The following SCN11A variants were observed in gnomAD, a reference collection of about 807,000 sequenced individuals.
SCN11A encodes the protein sodium channel protein type 11 subunit alpha.
SCN11A carries 122 observed loss-of-function variants against 162.2 expected under a neutral mutation model. The observed-to-expected ratio is 0.75, with a 90% CI of 0.65 to 0.87. SCN11A has a LOEUF of 0.87. SCN11A is among the 40% of genes least tolerant of loss of function. The probability of loss-of-function intolerance (pLI) is 0.00; values close to 1 mark genes in which losing one functional copy is unlikely to be tolerated. For synonymous variants in SCN11A, 758 were observed against 751.5 expected, an observed-to-expected ratio of 1.01 and a Z score of -0.14; for missense variants, 2,015 against 2,181.6, an observed-to-expected ratio of 0.92 and a Z score of 1.52.
At chr3:38,936,366 C>A (rs1355009423) in intron 7 of SCN11A, among the ~76,000 whole-genome samples, 1 of 146,090 alleles carries the variant, frequency 6.8e-6, no homozygotes, top group African/African-American at 2.6e-5. Context: ...GAAGTTCTGG[C>A]CAGGGCAATT....
At chr3:38,953,054 TTTTG>T (rs1415243241) in intron 4 of SCN11A, among the ~76,000 whole-genome samples, 5 of 151,924 alleles carry the variant, frequency 3.3e-5, no homozygotes, top group East Asian at 1.9e-4. Flanking sequence ...ATTTGTTTTT[TTTTG>T]TTGTTGTTGT....
At chr3:38,999,023 G>A (rs113401166) in intron 2 of SCN11A, among the ~76,000 whole-genome samples, 14 of 152,058 alleles carry the variant, frequency 9.2e-5, no homozygotes, top group African/African-American at 2.7e-4. Context: ...TAACCTGCAC[G>A]TTGTGCACAT....
chr3:39,002,823 G>T (rs553447369), intron 2 of SCN11A, among the ~76,000 whole-genome samples: 4 of 152,310 alleles, frequency 2.6e-5, no homozygotes, highest in African/African-American at 7.2e-5. Flanking sequence ...ACTTGCGTTA[G>T]CCTGCTTGGC....
intron 7 of SCN11A, among the ~76,000 whole-genome samples, chr3:38,935,786 G>A (rs1294473388): frequency 6.6e-6 from 1 of 152,178 alleles, no homozygotes; most frequent in Non-Finnish European, 1.5e-5. Context: ...AATTCTACCA[G>A]AGGTACAAGG....
rs181294391 is a variant in SCN11A at position 38,953,380 on chromosome 3, A to G, written c.-8+249T>C. Among the ~76,000 whole-genome samples, 79 of 152,274 alleles carry G rather than the reference A, an allele frequency of 5.2e-4. 1 individual carries two copies. The highest frequency in any genetic ancestry group is 8.3e-4 in the South Asian group (4 of 4,824). Reference sequence around the variant, plus strand: ...CATGACACAAGTTTACCTATGTAACAAACCTACATGTGTACCCCTGAACTT... The same window carrying G: ...CATGACACAAGTTTACCTATGTAACGAACCTACATGTGTACCCCTGAACTT... On this transcript the variant is annotated intron_variant, in intron 4 of 29. Coordinates refer to ENST00000302328, the MANE Select transcript of SCN11A (RefSeq NM_001349253.2).
intron 19 of SCN11A, among the ~76,000 whole-genome samples, chr3:38,887,273 A>G (rs1482692602): frequency 6.6e-6 from 1 of 151,984 alleles, no homozygotes; most frequent in Admixed American, 6.6e-5. Flanking sequence ...ACTAATTTAT[A>G]ACCTGGCAGG....
rs553451969 is a variant in SCN11A, at chr3:38,904,128, G to A, written c.1604-25C>T. 32 of 1,489,392 alleles carry A rather than the reference G, an allele frequency of 2.1e-5. 1 individual carries two copies. Among genetic ancestry groups the A allele is most frequent in the South Asian group, 1.9e-4 (14 of 73,872 alleles). 92.3% of individuals were successfully genotyped at this position (1,489,392 alleles called of 1,614,324 possible). ...TCTGGAGGAGAATGAGCGAGAGGTT[G>A]AGGAGTTAGCTCTGAAGCAATCCAG... On this transcript the variant is annotated intron_variant, in intron 15 of 29. Transcript: ENST00000302328.
chr3:38,945,040 AAAAC>A (rs2066495840), intron 7 of SCN11A, among the ~76,000 whole-genome samples: 1 of 152,224 alleles, frequency 6.6e-6, no homozygotes, highest in Non-Finnish European at 1.5e-5. Context: ...TTTACAAACA[AAAAC>A]AAAGAATAAG....
At chr3:38,862,229 A>T (rs936683388) in intron 28 of SCN11A, among the ~76,000 whole-genome samples, 16 of 152,248 alleles carry the variant, frequency 1.1e-4, no homozygotes, top group Admixed American at 7.8e-4. Flanking sequence ...TTTAAAAATC[A>T]AAAAAATAAT....
chr3:38,892,779 T>C (rs1369112260), intron 19 of SCN11A, among the ~76,000 whole-genome samples: 1 of 152,122 alleles, frequency 6.6e-6, no homozygotes, highest in Non-Finnish European at 1.5e-5. Context: ...TATAGCTCAC[T>C]GGAATTAATA....
rs756961020 is a variant in SCN11A, at chr3:38,950,225, T to C, written c.138A>G (p.Glu46=). ...EKKKSKDQTG[E]VPQPRPQLDL... The stretch of plus-strand genomic sequence containing the variant: ...CAAGCTGAGGCCGAGGCTGGGGTAC[T>C]TCTCCTGTCTGGTCTTTAGACTTCT... The change falls in exon 5 of 30, where the codon GAA becomes GAG. Residue 46 remains glutamate (E), a synonymous_variant. Coordinates refer to ENST00000302328, the MANE Select transcript of SCN11A (RefSeq NM_001349253.2). 6.2e-7 allele frequency: 1 copy of C among 1,613,964 alleles called. No homozygotes were observed. The highest frequency in any genetic ancestry group is 2.2e-5 in the East Asian group (1 of 44,886).
intron 7 of SCN11A, among the ~76,000 whole-genome samples, chr3:38,932,478 G>C (rs1047772484): frequency 3.9e-5 from 6 of 152,202 alleles, no homozygotes; most frequent in Non-Finnish European, 7.4e-5. Context: ...CAAAGAAAGG[G>C]GTGAGAGACG....
At chr3:39,001,042 A>C (rs2030796261) in intron 2 of SCN11A, among the ~76,000 whole-genome samples, 2 of 152,324 alleles carry the variant, frequency 1.3e-5, no homozygotes, top group Middle Eastern at 3.4e-3. Flanking sequence ...GTCTCAAAAA[A>C]CAAAAACAAA....
intron 10 of SCN11A, among the ~76,000 whole-genome samples, chr3:38,920,435 G>A (rs1366583798): frequency 6.6e-6 from 1 of 152,210 alleles, no homozygotes; most frequent in African/African-American, 2.4e-5. Flanking sequence ...GCTCACGCCT[G>A]TAATCCCAGC....
In SCN11A at chr3:38,929,135, G is replaced by GCGCGCA. The variant is rs1463876491; in HGVS notation, c.489-2205_489-2204insTGCGCG. Among the ~76,000 whole-genome samples the GCGCGCA allele has an allele frequency of 3.6e-3, 237 of 66,700 alleles. 3 individuals carry two copies. The highest frequency in any genetic ancestry group is 0.011 in the African/African-American group (214 of 19,208). 43.8% of individuals were successfully genotyped at this position (66,700 alleles called of 152,430 possible). On this transcript the variant is annotated intron_variant, in intron 7 of 29. Coordinates refer to ENST00000302328, the MANE Select transcript of SCN11A (RefSeq NM_001349253.2). Reference sequence around the variant, plus strand: ...TGTCAAAAATACTGGGTCTGTGCACGCACACACACACACACACACACACAC... The same window carrying GCGCGCA: ...TGTCAAAAATACTGGGTCTGTGCACGCGCGCACACACACACACACACACACACACAC...
At chr3:38,933,660 G>C (rs911456421) in intron 7 of SCN11A, among the ~76,000 whole-genome samples, 5 of 152,100 alleles carry the variant, frequency 3.3e-5, no homozygotes, top group Non-Finnish European at 7.4e-5. Context: ...GAAGCGAGAA[G>C]GGAAGTTTAG....
chr3:38,870,576 CA>C (rs1323981779), intron 26 of SCN11A, 114 bp downstream of exon 26: 7 of 802,526 alleles, frequency 8.7e-6, no homozygotes, highest in Non-Finnish European at 1.4e-5. Flanking sequence ...CCAAAGAAAA[CA>C]AGGCAGAGAA....
At chr3:39,016,451 T>C (rs761775391) in intron 2 of SCN11A, among the ~76,000 whole-genome samples, 4 of 133,490 alleles carry the variant, frequency 3.0e-5, no homozygotes, top group Non-Finnish European at 5.0e-5. Flanking sequence ...TGTAGATCCA[T>C]GTTTCCACCT....
At chr3:39,047,945 C>A (rs2032225624) in intron 1 of SCN11A, among the ~76,000 whole-genome samples, 1 of 152,156 alleles carries the variant, frequency 6.6e-6, no homozygotes, top group Non-Finnish European at 1.5e-5. Context: ...TTAGTTCAAC[C>A]ATTATGGAAA....
Sources: allele counts gnomAD v4.1 joint callset (sites outside exome capture counted in the v4.1 genomes callset), GRCh38; gene constraint gnomAD v4.1.1; transcripts MANE v1.5; gene names NCBI Gene and HGNC (gene_info 2026-07-23, HGNC 2026-07-21).